The following NEUROD2 variants were observed in gnomAD, a reference collection of about 807,000 sequenced individuals.
NEUROD2 encodes neurogenic differentiation factor 2.
NEUROD2 carries 5 observed loss-of-function variants against 9.3 expected under a neutral mutation model. The observed-to-expected ratio is 0.54, with a 90% CI of 0.28 to 1.13. The LOEUF (loss-of-function observed/expected upper bound fraction) is 1.13. NEUROD2 is among the 50% of genes most tolerant of loss of function. The pLI, the probability that NEUROD2 is intolerant of heterozygous loss-of-function variation, is 0.10. For synonymous variants in NEUROD2, 277 were observed against 257.3 expected (o/e 1.08, Z -0.73); for missense variants, 376 against 549.2 (o/e 0.68, Z 3.15).
Position 39,605,854 on chromosome 17 carries a change from G to A in NEUROD2, c.746C>T (p.Ala249Val). The change falls in exon 2 of 2, where the codon GCA becomes GTA. Residue 249 changes from alanine to valine, a missense_variant. Physicochemically the swap from Ala to Val is moderately conservative, Grantham distance 64. Transcript: ENST00000302584. The surrounding 1 kb of genome is among the most constrained non-coding windows in gnomAD (Gnocchi z 6.8). ...CAGGCCGCCGGCCGCCTGGCACTGT[G>A]CGCCCGCCAGGCGCGAGCACGGGTA... Reference protein sequence around the residue: ...YPYPCSRLAGAQCQAAGGLGG... With the variant: ...YPYPCSRLAGVQCQAAGGLGG... 3.4e-6 allele frequency: 5 copies of A among 1,491,336 alleles called. No individual in the cohort carries two copies. Among genetic ancestry groups the A allele is most frequent in the Non-Finnish European group, 4.4e-6 (5 of 1,125,736 alleles). 92.4% of individuals were successfully genotyped at this position (1,491,336 alleles called of 1,614,324 possible).
rs2056768550 is a variant in NEUROD2 at position 39,606,429 on chromosome 17, T to A, written c.171A>T (p.Pro57=). The A allele has an allele frequency of 6.6e-7, 1 of 1,522,830 alleles. No individual in the cohort carries two copies. The highest frequency in any genetic ancestry group is 8.8e-7 in the Non-Finnish European group (1 of 1,139,780). The allele number at this position is 1,522,830 out of a possible 1,614,324, so 94.3% of individuals were successfully genotyped here. Residue 57 remains proline (P), a synonymous_variant, in exon 2 of 2, where the codon CCA becomes CCT. Transcript: ENST00000302584. This position sits in a 1 kb window ranked among gnomAD's most constrained non-coding sequence, Gnocchi z 7.8. ...GAPGPARAAK[P]VPLRGEEGTE... ...TCCCCTCTTCTCCACGGAGAGGGAC[T>A]GGCTTGGCCGCCCGGGCTGGCCCCG...
In NEUROD2 at chr17:39,606,325, C is replaced by A; in HGVS notation, c.275G>T (p.Gly92Val). ...EEEEEEEEEE[G>V]LDEAEGERPK... ...CCGCTCGCCCTCCGCCTCGTCCAGT[C>A]CTTCTTCCTCCTCCTCTTCCTCCTC... Residue 92 changes from glycine (G) to valine (V), a missense_variant, in exon 2 of 2, where the codon GGA (glycine) becomes GTA (valine). Physicochemically the swap from Gly to Val is moderately radical, Grantham distance 109. Transcript: ENST00000302584. This position sits in a 1 kb window ranked among gnomAD's most constrained non-coding sequence, Gnocchi z 7.8. 6.3e-7 allele frequency: 1 copy of A among 1,597,794 alleles called. No homozygotes were observed.
chr17:39,606,320 C>G lies in NEUROD2; in HGVS notation c.280G>C (p.Asp94His), dbSNP rs776909821. Reference sequence around the variant, plus strand: ...TTGGGCCGCTCGCCCTCCGCCTCGTCCAGTCCTTCTTCCTCCTCCTCTTCC... The same window carrying G: ...TTGGGCCGCTCGCCCTCCGCCTCGTGCAGTCCTTCTTCCTCCTCCTCTTCC... ...EEEEEEEEGL[D>H]EAEGERPKKR... The change falls in exon 2 of 2, where the codon GAC becomes CAC. Residue 94 changes from aspartate to histidine, a missense_variant. Around this residue, in one of 3 missense-constraint regions of NEUROD2, gnomAD observed 134 missense variants for 133.6 expected, o/e 1.00. Coordinates refer to ENST00000302584, the MANE Select transcript of NEUROD2 (RefSeq NM_006160.4). This position sits in a 1 kb window ranked among gnomAD's most constrained non-coding sequence, Gnocchi z 7.8. 1 of 1,601,512 alleles carries G rather than the reference C, an allele frequency of 6.2e-7. No homozygotes were observed. Among genetic ancestry groups the G allele is most frequent in the Non-Finnish European group, 8.5e-7 (1 of 1,176,518 alleles).
rs949991526 is a variant in NEUROD2, at chr17:39,605,635, C to T, written c.965G>A (p.Ser322Asn). 2.5e-6 allele frequency: 4 copies of T among 1,612,836 alleles called. No individual in the cohort carries two copies. The highest frequency in any genetic ancestry group is 3.4e-6 in the Non-Finnish European group (4 of 1,179,534). The stretch of plus-strand genomic sequence containing the variant: ...CGAGTAGTGCATAGAGTAGTGGTAG[C>T]TTTTCTCGTGGTCGGGCGAGGAGTC... ...KQDSSPDHEK[S>N]YHYSMHYSAL... Residue 322 changes from serine (S) to asparagine (N), a missense_variant, in exon 2 of 2, where the codon AGC (serine) becomes AAC (asparagine). Ser to Asn is a conservative substitution (Grantham distance 46). Around this residue, in one of 3 missense-constraint regions of NEUROD2, gnomAD observed 193 missense variants for 255.8 expected, o/e 0.75. Coordinates refer to ENST00000302584, the MANE Select transcript of NEUROD2 (RefSeq NM_006160.4). The surrounding 1 kb of genome is among the most constrained non-coding windows in gnomAD (Gnocchi z 6.8).
chr17:39,605,329 G>C lies in NEUROD2; in HGVS notation c.*122C>G, dbSNP rs2144811320. On this transcript the variant is annotated 3_prime_UTR_variant, in exon 2 of 2. Transcript: ENST00000302584. The surrounding 1 kb of genome is among the most constrained non-coding windows in gnomAD (Gnocchi z 6.8). ...CTGCGCTGCCCCAGGAGAGCGGCAGGACCGGTGGCCCGCTCCCCGCGCCCG... is the reference window on the plus strand; with the variant it reads ...CTGCGCTGCCCCAGGAGAGCGGCAGCACCGGTGGCCCGCTCCCCGCGCCCG... 3.0e-6 allele frequency: 4 copies of C among 1,315,800 alleles called. No homozygotes were observed. The highest frequency in any genetic ancestry group is 4.1e-6 in the Non-Finnish European group (4 of 986,130). The allele number at this position is 1,315,800 out of a possible 1,614,324, so 81.5% of individuals were successfully genotyped here.
At chr17:39,607,248 G>T (rs903059437) in intron 1 of NEUROD2, 1 of 152,266 alleles carries the variant, frequency 6.6e-6, no homozygotes, top group Admixed American at 6.5e-5. Flanking sequence ...CTGAAGCAGC[G>T]GGGCGTGGGG....
rs1173299145 is a variant in NEUROD2 at position 39,604,488 on chromosome 17, GC to G, written c.*962del. On this transcript the variant is annotated 3_prime_UTR_variant, in exon 2 of 2. Transcript: ENST00000302584. ...AACCTGGGGAGGGGGAGGGGGCGGC[GC>G]GGGCCCCCACTTCACCAAAGTGCAC... 1 of 151,908 alleles carries G rather than the reference GC, an allele frequency of 6.6e-6. No homozygotes were observed. The highest frequency in any genetic ancestry group is 1.5e-5 in the Non-Finnish European group (1 of 67,938). The allele number at this position is 151,908 out of a possible 1,614,324, so 9.4% of individuals were successfully genotyped here. A position where few individuals can be genotyped will look rare whatever the true frequency, so the allele number is the denominator to read the frequency against.
rs2056763083 is a variant in NEUROD2, at chr17:39,605,373, G to A, written c.*78C>T. On this transcript the variant is annotated 3_prime_UTR_variant, in exon 2 of 2. Transcript: ENST00000302584. The surrounding 1 kb of genome is among the most constrained non-coding windows in gnomAD (Gnocchi z 6.8). ...GCGCCCGGCGCCGGGGTAGGATGGG[G>A]GTGTCCCTGCGCTCTGGGGGCTGGG... 6.9e-7 allele frequency: 1 copy of A among 1,446,640 alleles called. No homozygotes were observed. The highest frequency in any genetic ancestry group is 9.1e-7 in the Non-Finnish European group (1 of 1,093,150). 89.6% of individuals were successfully genotyped at this position (1,446,640 alleles called of 1,614,324 possible).
Position 39,604,644 on chromosome 17 carries a change from TTTTG to T in NEUROD2, c.*803_*806del, listed in dbSNP as rs1231299022. Reference sequence around the variant, plus strand: ...TTGATTATTGGTAGTAGTGGTTTTTTTTTGTTTGTTTTTTTGTTTTTTGTTTTTT... The same window carrying T: ...TTGATTATTGGTAGTAGTGGTTTTTTTTTGTTTTTTTGTTTTTTGTTTTTT... On this transcript the variant is annotated 3_prime_UTR_variant, in exon 2 of 2. Coordinates refer to ENST00000302584, the MANE Select transcript of NEUROD2 (RefSeq NM_006160.4). 1 of 152,124 alleles carries T rather than the reference TTTTG, an allele frequency of 6.6e-6. No homozygotes were observed. Among genetic ancestry groups the T allele is most frequent in the Middle Eastern group, 3.4e-3 (1 of 292 alleles). The allele number at this position is 152,124 out of a possible 1,614,324, so 9.4% of individuals were successfully genotyped here.
Position 39,606,449 on chromosome 17 carries a change from G to A in NEUROD2, c.151C>T (p.Pro51Ser). The A allele has an allele frequency of 6.6e-7, 1 of 1,520,626 alleles. No individual in the cohort carries two copies. Among genetic ancestry groups the A allele is most frequent in the Non-Finnish European group, 8.8e-7 (1 of 1,140,064 alleles). The allele number at this position is 1,520,626 out of a possible 1,614,324, so 94.2% of individuals were successfully genotyped here. The change falls in exon 2 of 2, where the codon CCA (proline) becomes TCA (serine). Residue 51 changes from proline to serine, a missense_variant. Around this residue, in one of 3 missense-constraint regions of NEUROD2, gnomAD observed 134 missense variants for 133.6 expected, o/e 1.00. Coordinates refer to ENST00000302584, the MANE Select transcript of NEUROD2 (RefSeq NM_006160.4). The surrounding 1 kb of genome is among the most constrained non-coding windows in gnomAD (Gnocchi z 7.8). ...PPAPGPGAPG[P>S]ARAAKPVPLR... ...GGGACTGGCTTGGCCGCCCGGGCTGGCCCCGGAGCCCCTGGCCCGGGCGCA... is the reference window on the plus strand; with the variant it reads ...GGGACTGGCTTGGCCGCCCGGGCTGACCCCGGAGCCCCTGGCCCGGGCGCA...
Position 39,605,404 on chromosome 17 carries a change from G to A in NEUROD2, c.*47C>T. ...CCTGCGCTCTGGGGGCTGGGGACAG[G>A]GGGGCGGGCAAAGGCAAAAGAAAAA... On this transcript the variant is annotated 3_prime_UTR_variant, in exon 2 of 2. Coordinates refer to ENST00000302584, the MANE Select transcript of NEUROD2 (RefSeq NM_006160.4). The surrounding 1 kb of genome is among the most constrained non-coding windows in gnomAD (Gnocchi z 6.8). 6 of 1,486,224 alleles carry A rather than the reference G, an allele frequency of 4.0e-6. No individual in the cohort carries two copies. Among genetic ancestry groups the A allele is most frequent in the South Asian group, 1.4e-5 (1 of 73,818 alleles). The allele number at this position is 1,486,224 out of a possible 1,614,324, so 92.1% of individuals were successfully genotyped here.
chr17:39,606,392 A>C lies in NEUROD2; in HGVS notation c.208T>G (p.Leu70Val), dbSNP rs558808033. ...TCGCCTTCCTCCTTGACCTCGGCCA[A>C]CGTGGCCTCCGTCCCCTCTTCTCCA... ...LRGEEGTEAT[L>V]AEVKEEGELG... Residue 70 changes from leucine (L) to valine (V), a missense_variant, in exon 2 of 2, where the codon TTG (leucine) becomes GTG (valine). Physicochemically the swap from Leu to Val is conservative, Grantham distance 32. Coordinates refer to ENST00000302584, the MANE Select transcript of NEUROD2 (RefSeq NM_006160.4). The surrounding 1 kb of genome is among the most constrained non-coding windows in gnomAD (Gnocchi z 7.8). 1 of 1,550,102 alleles carries C rather than the reference A, an allele frequency of 6.5e-7. No individual in the cohort carries two copies. Among genetic ancestry groups the C allele is most frequent in the South Asian group, 1.2e-5 (1 of 84,562 alleles).
In NEUROD2 at chr17:39,606,608, A is replaced by C. The variant is rs2056769893; in HGVS notation, c.-5-4T>G. ...AACAGGCGGGTCAGCATGGTGCCTGAGGGCGCCCCGCGGGCGGGAAGGGGA... is the reference window on the plus strand; with the variant it reads ...AACAGGCGGGTCAGCATGGTGCCTGCGGGCGCCCCGCGGGCGGGAAGGGGA... On this transcript the variant is annotated splice_region_variant and splice_polypyrimidine_tract_variant and intron_variant, in intron 1 of 1. Coordinates refer to ENST00000302584, the MANE Select transcript of NEUROD2 (RefSeq NM_006160.4). This position sits in a 1 kb window ranked among gnomAD's most constrained non-coding sequence, Gnocchi z 7.8. The C allele has an allele frequency of 6.5e-7, 1 of 1,544,336 alleles. No individual in the cohort carries two copies. The highest frequency in any genetic ancestry group is 1.2e-5 in the South Asian group (1 of 84,792).
chr17:39,604,796 G>A lies in NEUROD2; in HGVS notation c.*655C>T, dbSNP rs1170337764. 3.1e-5 allele frequency: 2 copies of A among 64,026 alleles called. No homozygotes were observed. The highest frequency in any genetic ancestry group is 5.7e-5 in the Non-Finnish European group (2 of 35,048). The allele number at this position is 64,026 out of a possible 1,614,324, so 4.0% of individuals were successfully genotyped here. A position where few individuals can be genotyped will look rare whatever the true frequency, so the allele number is the denominator to read the frequency against. ...TTTTTTTTTTTTTTTTTTTTTTTTTGTATGTTTGTTTGTTTAAAAAAAGGA... is the reference window on the plus strand; with the variant it reads ...TTTTTTTTTTTTTTTTTTTTTTTTTATATGTTTGTTTGTTTAAAAAAAGGA... On this transcript the variant is annotated 3_prime_UTR_variant, in exon 2 of 2. Coordinates refer to ENST00000302584, the MANE Select transcript of NEUROD2 (RefSeq NM_006160.4).
In NEUROD2 at chr17:39,605,356, C is replaced by A. The variant is rs1303512264; in HGVS notation, c.*95G>T. The A allele has an allele frequency of 4.9e-6, 7 of 1,423,164 alleles. No homozygotes were observed. The highest frequency in any genetic ancestry group is 6.5e-6 in the Non-Finnish European group (7 of 1,082,164). 88.2% of individuals were successfully genotyped at this position (1,423,164 alleles called of 1,614,324 possible). On this transcript the variant is annotated 3_prime_UTR_variant, in exon 2 of 2. Transcript: ENST00000302584. This position sits in a 1 kb window ranked among gnomAD's most constrained non-coding sequence, Gnocchi z 6.8. ...CCGGTGGCCCGCTCCCCGCGCCCGGCGCCGGGGTAGGATGGGGGTGTCCCT... is the reference window on the plus strand; with the variant it reads ...CCGGTGGCCCGCTCCCCGCGCCCGGAGCCGGGGTAGGATGGGGGTGTCCCT...
chr17:39,605,714 C>G lies in NEUROD2; in HGVS notation c.886G>C (p.Glu296Gln). ...ASPDYNSSEYEGPLSPPLCLN... is the reference protein window; with the variant it reads ...ASPDYNSSEYQGPLSPPLCLN... ...CAGAGCGGGGGGCTGAGCGGGCCCT[C>G]GTACTCGGAGCTGTTGTAGTCCGGG... Residue 296 changes from glutamate to glutamine, a missense_variant, in exon 2 of 2, where the codon GAG (glutamate) becomes CAG (glutamine). Glu to Gln is a conservative substitution (Grantham distance 29, BLOSUM62 2). Around this residue, in one of 3 missense-constraint regions of NEUROD2, gnomAD observed 193 missense variants for 255.8 expected, o/e 0.75. Coordinates refer to ENST00000302584, the MANE Select transcript of NEUROD2 (RefSeq NM_006160.4). The surrounding 1 kb of genome is among the most constrained non-coding windows in gnomAD (Gnocchi z 6.8). The G allele has an allele frequency of 6.3e-7, 1 of 1,599,564 alleles. No homozygotes were observed. The highest frequency in any genetic ancestry group is 8.5e-7 in the Non-Finnish European group (1 of 1,173,644).
chr17:39,606,474 A>G lies in NEUROD2; in HGVS notation c.126T>C (p.Pro42=). 1 of 1,535,442 alleles carries G rather than the reference A, an allele frequency of 6.5e-7. No homozygotes were observed. The highest frequency in any genetic ancestry group is 1.4e-5 in the African/African-American group (1 of 72,254). Residue 42 remains proline, a synonymous_variant, in exon 2 of 2, where the codon CCT becomes CCC. Coordinates refer to ENST00000302584, the MANE Select transcript of NEUROD2 (RefSeq NM_006160.4). This position sits in a 1 kb window ranked among gnomAD's most constrained non-coding sequence, Gnocchi z 7.8. ...GCCCCGGAGCCCCTGGCCCGGGCGC[A>G]GGCGGTGGCGGTGGCGGCGCGTCGC... The part of the protein sequence containing the change: ...DKGDAPPPPP[P]APGPGAPGPA...
At position 39,606,877 on chromosome 17, in the gene NEUROD2, T is replaced by C; in HGVS notation, c.-5-273A>G. 2.4e-6 allele frequency: 1 copy of C among 423,422 alleles called. No homozygotes were observed. The highest frequency in any genetic ancestry group is 4.2e-6 in the Non-Finnish European group (1 of 240,266). 26.2% of individuals were successfully genotyped at this position (423,422 alleles called of 1,614,324 possible). ...TGAATGGGGGGCTGCTCCCCGCGCC[T>C]GCTTCTTCTCAGGGTCAGGGCAGGG... On this transcript the variant is annotated intron_variant, in intron 1 of 1. Coordinates refer to ENST00000302584, the MANE Select transcript of NEUROD2 (RefSeq NM_006160.4). The surrounding 1 kb of genome is among the most constrained non-coding windows in gnomAD (Gnocchi z 7.8).
Position 39,605,865 on chromosome 17 carries a change from G to T in NEUROD2, c.735C>A (p.Arg245=), listed in dbSNP as rs763413827. The T allele has an allele frequency of 1.6e-5, 25 of 1,530,872 alleles. No homozygotes were observed. In the South Asian group the frequency reaches 3.0e-4, roughly 18 times the overall value. 94.8% of individuals were successfully genotyped at this position (1,530,872 alleles called of 1,614,324 possible). A position where few individuals can be genotyped will look rare whatever the true frequency, so the allele number is the denominator to read the frequency against. ...CCGCCTGGCACTGTGCGCCCGCCAGGCGCGAGCACGGGTACGGGTAGGGGT... is the reference window on the plus strand; with the variant it reads ...CCGCCTGGCACTGTGCGCCCGCCAGTCGCGAGCACGGGTACGGGTAGGGGT... ...AMHPYPYPCS[R]LAGAQCQAAG... is the part of the protein sequence containing the mutation. Residue 245 remains arginine, a synonymous_variant, in exon 2 of 2, where the codon CGC becomes CGA. Coordinates refer to ENST00000302584, the MANE Select transcript of NEUROD2 (RefSeq NM_006160.4). The surrounding 1 kb of genome is among the most constrained non-coding windows in gnomAD (Gnocchi z 6.8).
Sources: allele counts gnomAD v4.1 joint callset, GRCh38; gene constraint gnomAD v4.1.1; regional missense constraint gnomAD v4.1.1; non-coding constraint Gnocchi (gnomAD v3.1); transcripts MANE v1.5; gene names NCBI Gene and HGNC (gene_info 2026-07-23, HGNC 2026-07-21).